GLI2: variants seen among roughly 807,000 people sequenced by gnomAD.
GLI2 encodes the protein transcription activator GLI2.
A neutral mutation model predicts 78.9 loss-of-function variants in GLI2; 22 were observed. The ratio of observed to expected loss-of-function variants is 0.28; its 90% confidence interval spans 0.20 to 0.40. The LOEUF is 0.40. Ranked by LOEUF, GLI2 falls within the 10% of genes least tolerant of loss-of-function variation. GLI2 has a pLI of 1.00. For missense variants in GLI2, 2,097 were observed against 2,213.2 expected, an observed-to-expected ratio of 0.95 and a Z score of 1.05; for synonymous variants, 974 against 963.7, an observed-to-expected ratio of 1.01 and a Z score of -0.20.
intron 5 of GLI2, among the ~76,000 whole-genome samples, chr2:120,967,492 G>A (rs1477850660): frequency 1.3e-5 from 2 of 152,210 alleles, no homozygotes; most frequent in Admixed American, 6.5e-5. Flanking sequence ...TGGGGGCACC[G>A]TGATGGGGAG....
At chr2:120,767,200 C>T (rs1356978875) in intron 1 of GLI2, among the ~76,000 whole-genome samples, 7 of 152,328 alleles carry the variant, frequency 4.6e-5, no homozygotes, top group African/African-American at 1.7e-4. Context: ...GAAGCCACCT[C>T]CTTGCTGGGA....
intron 2 of GLI2, among the ~76,000 whole-genome samples, chr2:120,829,107 T>C (rs199591824): frequency 3.8e-5 from 4 of 105,730 alleles, no homozygotes; most frequent in Non-Finnish European, 6.5e-5. Flanking sequence ...CCTGCACCCA[T>C]GCACGCACTC....
chr2:120,813,997 AAG>A lies in GLI2; in HGVS notation c.148+16534_148+16535del. On this transcript the variant is annotated intron_variant, in intron 2 of 13. Transcript: ENST00000361492. ...AGGAAAGCACCCATAAAGGGAGGCT[AAG>A]AGAGTCAGCTGCCCCCGAGAACAAC... is the stretch of plus-strand genomic sequence containing the variant. 2.0e-5 allele frequency among the ~76,000 whole-genome samples: 3 copies of A among 152,060 alleles called. No individual in the cohort carries two copies. The Middle Eastern group carries it at 0.01, about 517-fold the overall frequency.
At chr2:120,860,834 C>G (rs1275437710) in intron 2 of GLI2, among the ~76,000 whole-genome samples, 1 of 152,156 alleles carries the variant, frequency 6.6e-6, no homozygotes, top group Non-Finnish European at 1.5e-5. Context: ...TAGGGTCAGA[C>G]CCTGGCTCGG....
Position 120,988,674 on chromosome 2 carries a change from G to A in GLI2, c.2709G>A (p.Leu903=). Residue 903 remains leucine (L), a synonymous_variant, in exon 14 of 14, where the codon CTG becomes CTA. Transcript: ENST00000361492. ...RMSLRTRLAL[L]DAPERTLPAG... Reference sequence around the variant, plus strand: ...GCCTGCGGACCAGGCTGGCGCTGCTGGACGCGCCCGAGCGCACGCTGCCCG... The same window carrying A: ...GCCTGCGGACCAGGCTGGCGCTGCTAGACGCGCCCGAGCGCACGCTGCCCG... 7.4e-7 allele frequency: 1 copy of A among 1,356,270 alleles called. No individual in the cohort carries two copies. The highest frequency in any genetic ancestry group is 9.5e-7 in the Non-Finnish European group (1 of 1,052,976). 84.0% of individuals were successfully genotyped at this position (1,356,270 alleles called of 1,614,324 possible).
chr2:120,903,201 A>G (rs1678350668), intron 2 of GLI2, among the ~76,000 whole-genome samples: 1 of 152,146 alleles, frequency 6.6e-6, no homozygotes, highest in African/African-American at 2.4e-5. Flanking sequence ...CCTGGACAAC[A>G]TGGTGAAACA....
chr2:120,815,593 C>T (rs1191585404), intron 2 of GLI2, among the ~76,000 whole-genome samples: 1 of 152,222 alleles, frequency 6.6e-6, no homozygotes, highest in African/African-American at 2.4e-5. Flanking sequence ...CCTCTCTAGC[C>T]TCTGTGCCTG....
At chr2:120,743,561 C>T (rs1161901141) in intron 1 of GLI2, among the ~76,000 whole-genome samples, 1 of 152,234 alleles carries the variant, frequency 6.6e-6, no homozygotes, top group African/African-American at 2.4e-5. Context: ...GTTAGGAAGA[C>T]TTTCTTATAT....
chr2:120,942,841 C>G (rs1356895718), intron 3 of GLI2, among the ~76,000 whole-genome samples: 1 of 144,634 alleles, frequency 6.9e-6, no homozygotes, highest in Non-Finnish European at 1.5e-5. Flanking sequence ...CTCATTCATT[C>G]ATTCATTCGT....
chr2:120,812,496 A>G (rs1044121337), intron 2 of GLI2, among the ~76,000 whole-genome samples: 1 of 152,156 alleles, frequency 6.6e-6, no homozygotes, highest in Non-Finnish European at 1.5e-5. Context: ...CCACAGGGTC[A>G]TCCTCACAGG....
chr2:120,929,212 G>A (rs1241354313), intron 3 of GLI2, among the ~76,000 whole-genome samples: 1 of 152,204 alleles, frequency 6.6e-6, no homozygotes, highest in Non-Finnish European at 1.5e-5. Context: ...CAGGCATCCT[G>A]TCAGGAGGCC....
intron 2 of GLI2, among the ~76,000 whole-genome samples, chr2:120,917,927 G>GCCAGAGGAAAA (rs1679180501): frequency 6.6e-6 from 1 of 152,228 alleles, no homozygotes; most frequent in Admixed American, 6.5e-5. Context: ...GCTTGTAGTA[G>GCCAGAGGAAAA]CCAGCCTAAG....
chr2:120,951,337 GCCC>G lies in GLI2; in HGVS notation c.353_355del (p.Pro118del). 1 of 1,573,044 alleles carries G rather than the reference GCCC, an allele frequency of 6.4e-7. No individual in the cohort carries two copies. The highest frequency in any genetic ancestry group is 8.7e-7 in the Non-Finnish European group (1 of 1,142,928). ...TGGCCCTGGGGAGTCCCCCTTCAAC[GCCC>G]CCCACCCGTACGTGAACCCCCACAT... is the stretch of plus-strand genomic sequence containing the variant. On this transcript the variant is annotated inframe_deletion, in exon 4 of 14. Coordinates refer to ENST00000361492, the MANE Select transcript of GLI2 (RefSeq NM_001374353.1).
chr2:120,826,120 C>A (rs906728861), intron 2 of GLI2, among the ~76,000 whole-genome samples: 5 of 144,678 alleles, frequency 3.5e-5, no homozygotes, highest in East Asian at 4.7e-4. Context: ...GCTTCCAACC[C>A]GGCTGGGTGG....
intron 2 of GLI2, among the ~76,000 whole-genome samples, chr2:120,836,272 G>A (rs1431143538): frequency 6.6e-6 from 1 of 152,142 alleles, no homozygotes; most frequent in East Asian, 1.9e-4. Flanking sequence ...TACTTTATAT[G>A]TAAATGCCCA....
At chr2:120,871,981 G>A (rs1488681738) in intron 2 of GLI2, among the ~76,000 whole-genome samples, 1 of 152,220 alleles carries the variant, frequency 6.6e-6, no homozygotes, top group Non-Finnish European at 1.5e-5. Context: ...CGGGGTCTGG[G>A]CATGACAACC....
chr2:120,826,606 T>C (rs1010935920), intron 2 of GLI2, among the ~76,000 whole-genome samples: 1 of 152,172 alleles, frequency 6.6e-6, no homozygotes, highest in African/African-American at 2.4e-5. Flanking sequence ...GTGTCTAATC[T>C]TGGCAAAAGA....
In GLI2 at chr2:120,951,251, C is replaced by A. The variant is rs779428379; in HGVS notation, c.263C>A (p.Ala88Asp). The change falls in exon 4 of 14, where the codon GCC becomes GAC. Residue 88 changes from alanine (A) to aspartate (D), a missense_variant. Physicochemically the swap from Ala to Asp is moderately radical, Grantham distance 126. This residue lies in a region of GLI2 where 578 missense variants were observed against 612.0 expected (regional missense o/e 0.94). Transcript: ENST00000361492. Reference protein sequence around the residue: ...HSVHGVHGPPALSGSPVISDI... With the variant: ...HSVHGVHGPPDLSGSPVISDI... ...GCCCATTGTCTCTGCAGGCCCCCTG[C>A]CCTCAGCGGCAGCCCTGTCATCTCT... is the stretch of plus-strand genomic sequence containing the variant. 8.7e-6 allele frequency: 14 copies of A among 1,603,934 alleles called. No homozygotes were observed. The highest frequency in any genetic ancestry group is 1.1e-5 in the Non-Finnish European group (13 of 1,170,864).
At chr2:120,979,107 AG>A (rs1461924918) in intron 10 of GLI2, among the ~76,000 whole-genome samples, 1 of 152,032 alleles carries the variant, frequency 6.6e-6, no homozygotes, top group Admixed American at 6.5e-5. Context: ...CCTCCTGAGT[AG>A]CTGGGACTAC....
Sources: gnomAD v4.1 joint callset for allele counts (sites outside exome capture counted in the v4.1 genomes callset) on GRCh38, gnomAD v4.1.1 for gene constraint, gnomAD v4.1.1 regional missense constraint, MANE v1.5 for transcripts, NCBI Gene and HGNC (gene_info 2026-07-23, HGNC 2026-07-21) for gene names.